CAP2: variants seen among roughly 807,000 people sequenced by gnomAD.
CAP2 encodes the protein cyclase associated actin cytoskeleton regulatory protein 2.
In CAP2, 24 loss-of-function variants were observed where a neutral mutation model predicts 57.7. The observed-to-expected ratio is 0.42, with a 90% CI of 0.30 to 0.58. The LOEUF (loss-of-function observed/expected upper bound fraction) is 0.58. CAP2 is among the 20% of genes least tolerant of loss of function. The probability of loss-of-function intolerance (pLI) is 0.22; values close to 1 mark genes in which losing one functional copy is unlikely to be tolerated. For synonymous variants in CAP2, 194 were observed against 207.2 expected, an observed-to-expected ratio of 0.94 and a Z score of 0.55; for missense variants, 501 against 590.3, an observed-to-expected ratio of 0.85 and a Z score of 1.57.
At chr6:17,505,405 G>A (rs558685243) in intron 4 of CAP2, among the ~76,000 whole-genome samples, 3 of 152,244 alleles carry the variant, frequency 2.0e-5, no homozygotes, top group Non-Finnish European at 2.9e-5. Context: ...TGAAGCCACC[G>A]CTGCAGCAAT....
intron 1 of CAP2, among the ~76,000 whole-genome samples, chr6:17,407,233 C>G (rs1434955338): frequency 6.6e-6 from 1 of 152,096 alleles, no homozygotes; most frequent in Non-Finnish European, 1.5e-5. Flanking sequence ...CTTTGGGCTC[C>G]CAGGTTCAAA....
intron 2 of CAP2, 115 bp downstream of exon 2, chr6:17,421,791 A>G (rs1240434127): frequency 8.4e-6 from 10 of 1,183,848 alleles, no homozygotes; most frequent in Non-Finnish European, 1.2e-5. Context: ...TACTCCTTCC[A>G]TCGTATGTGA....
At chr6:17,530,469 G>A (rs958835646) in intron 7 of CAP2, among the ~76,000 whole-genome samples, 1 of 152,104 alleles carries the variant, frequency 6.6e-6, no homozygotes, top group Non-Finnish European at 1.5e-5. Flanking sequence ...TAAGCCGGGT[G>A]GTTATTGGGC....
In CAP2 at chr6:17,410,403, C is replaced by T. The variant is rs113139661; in HGVS notation, c.-1-11152C>T. On this transcript the variant is annotated intron_variant, in intron 1 of 12. Coordinates refer to ENST00000229922, the MANE Select transcript of CAP2 (RefSeq NM_006366.3). ...CTCACCTCTCCCCCAGTGATTCTTA[C>T]GCAGATGAAAAAGAGTGGTGAGAAT... is the stretch of plus-strand genomic sequence containing the variant. 1.7e-3 allele frequency among the ~76,000 whole-genome samples: 254 copies of T among 152,222 alleles called. 2 individuals carry two copies. Among genetic ancestry groups the T allele is most frequent in the African/African-American group, 5.0e-3 (208 of 41,540 alleles).
At chr6:17,546,118 G>A (rs1272727202) in intron 11 of CAP2, among the ~76,000 whole-genome samples, 27 of 152,288 alleles carry the variant, frequency 1.8e-4, no homozygotes, top group Non-Finnish European at 3.4e-4. Context: ...GAATCACCAC[G>A]CTGTCTTCCA....
At chr6:17,541,836 A>C (rs577349190) in intron 9 of CAP2, among the ~76,000 whole-genome samples, 1 of 152,364 alleles carries the variant, frequency 6.6e-6, no homozygotes, top group South Asian at 2.1e-4. Flanking sequence ...AGTAGAAACC[A>C]GGGTGTTTCT....
At chr6:17,555,201 T>C (rs1334253208) in intron 12 of CAP2, among the ~76,000 whole-genome samples, 1 of 151,346 alleles carries the variant, frequency 6.6e-6, no homozygotes, top group East Asian at 1.9e-4. Context: ...GAATCTGCAT[T>C]TTTTTTTTCT....
chr6:17,515,318 G>A (rs956800221), intron 7 of CAP2, among the ~76,000 whole-genome samples: 1 of 152,174 alleles, frequency 6.6e-6, no homozygotes, highest in Non-Finnish European at 1.5e-5. Context: ...CAACATGGAA[G>A]CTGCTAGAGA....
chr6:17,471,320 CAT>C lies in CAP2; in HGVS notation c.300+8249_300+8250del, dbSNP rs532861995. ...TTGTCAAGGGCCATATGACAGATAA[CAT>C]AATGCAATAAAGTAATTCTGGCCCT... On this transcript the variant is annotated intron_variant, in intron 4 of 12. Coordinates refer to ENST00000229922, the MANE Select transcript of CAP2 (RefSeq NM_006366.3). Among the ~76,000 whole-genome samples the C allele has an allele frequency of 1.5e-4, 23 of 152,302 alleles. 1 individual carries two copies. In the South Asian group the frequency reaches 4.8e-3, roughly 32 times the overall value.
chr6:17,499,499 C>T (rs1190368079), intron 4 of CAP2, among the ~76,000 whole-genome samples: 1 of 151,940 alleles, frequency 6.6e-6, no homozygotes, highest in Non-Finnish European at 1.5e-5. Flanking sequence ...GCAATGCATC[C>T]TCTGAAAGAC....
intron 7 of CAP2, among the ~76,000 whole-genome samples, chr6:17,520,713 T>C (rs753393359): frequency 6.6e-6 from 1 of 152,240 alleles, no homozygotes; most frequent in Non-Finnish European, 1.5e-5. Context: ...TCCCGACTTA[T>C]TATAAATAAT....
At chr6:17,479,076 A>G (rs1288579797) in intron 4 of CAP2, among the ~76,000 whole-genome samples, 2 of 152,128 alleles carry the variant, frequency 1.3e-5, no homozygotes, top group Non-Finnish European at 2.9e-5. Context: ...ATCCGTTCCC[A>G]TGGTGGGGTC....
intron 1 of CAP2, among the ~76,000 whole-genome samples, chr6:17,410,572 A>T (rs962837529): frequency 6.9e-5 from 10 of 144,042 alleles, no homozygotes; most frequent in Non-Finnish European, 1.4e-4. Flanking sequence ...CTCAGATTTA[A>T]TTTTTTTTTT....
chr6:17,498,814 C>T (rs1256224377), intron 4 of CAP2, among the ~76,000 whole-genome samples: 2 of 151,974 alleles, frequency 1.3e-5, no homozygotes, highest in African/African-American at 2.4e-5. Flanking sequence ...CCGCAAGCTC[C>T]GCCTCCTGGG....
intron 4 of CAP2, among the ~76,000 whole-genome samples, chr6:17,479,691 C>A (rs1185199795): frequency 6.7e-6 from 1 of 149,202 alleles, no homozygotes; most frequent in Non-Finnish European, 1.5e-5. Flanking sequence ...GGCTCACTGC[C>A]AGCTCCGCCT....
rs1417067676 is a variant in CAP2, at chr6:17,483,618, A to G, written c.300+20545A>G. Among the ~76,000 whole-genome samples, 3 of 152,190 alleles carry G rather than the reference A, an allele frequency of 2.0e-5. No individual in the cohort carries two copies. In the East Asian group the frequency reaches 5.8e-4, roughly 29 times the overall value. ...AGAAAGAACCAAGTACTGGTTCCTAAAGGAAAGGTATGAAAGACGGGAATG... is the reference window on the plus strand; with the variant it reads ...AGAAAGAACCAAGTACTGGTTCCTAGAGGAAAGGTATGAAAGACGGGAATG... On this transcript the variant is annotated intron_variant, in intron 4 of 12. Coordinates refer to ENST00000229922, the MANE Select transcript of CAP2 (RefSeq NM_006366.3).
At chr6:17,432,777 C>G (rs1449041602) in intron 3 of CAP2, among the ~76,000 whole-genome samples, 1 of 151,814 alleles carries the variant, frequency 6.6e-6, no homozygotes, top group Non-Finnish European at 1.5e-5. Flanking sequence ...TTTCTTCTCC[C>G]TCTTTTCTTT....
At chr6:17,531,639 T>G in intron 7 of CAP2, 2 of 1,138,422 alleles carry the variant, frequency 1.8e-6, no homozygotes, top group Non-Finnish European at 2.6e-6. Context: ...CCTTCCATGG[T>G]TCCAGCCAGA....
At chr6:17,481,042 C>T (rs1291683860) in intron 4 of CAP2, among the ~76,000 whole-genome samples, 3 of 148,118 alleles carry the variant, frequency 2.0e-5, no homozygotes, top group African/African-American at 7.5e-5. Context: ...CAGGTGACCT[C>T]GGCTTCTCAA....
Sources: gnomAD v4.1 joint callset for allele counts (sites outside exome capture counted in the v4.1 genomes callset) on GRCh38, gnomAD v4.1.1 for gene constraint, MANE v1.5 for transcripts, NCBI Gene and HGNC (gene_info 2026-07-23, HGNC 2026-07-21) for gene names.